CELF4: variants seen among roughly 807,000 people sequenced by gnomAD.
The protein encoded by CELF4 is CUG-BP- and ETR-3-like factor 4.
A neutral mutation model predicts 59.9 loss-of-function variants in CELF4; 18 were observed. The observed-to-expected ratio is 0.30, with a 90% CI of 0.21 to 0.45. CELF4 has a LOEUF of 0.45. Ranked by LOEUF, CELF4 falls within the 20% of genes least tolerant of loss-of-function variation. The pLI is 1.00. For missense variants in CELF4, 456 were observed against 689.0 expected, an observed-to-expected ratio of 0.66 and a Z score of 3.79; for synonymous variants, 261 against 267.1, an observed-to-expected ratio of 0.98 and a Z score of 0.22.
chr18:37,558,373 CT>C (rs1345298469), intron 1 of CELF4, among the ~76,000 whole-genome samples: 11 of 110,760 alleles, frequency 9.9e-5, no homozygotes, highest in Admixed American at 2.5e-4. Flanking sequence ...TTTACTACCC[CT>C]GTAACAGTTT....
At position 37,245,051 on chromosome 18, in the gene CELF4, A is replaced by T. The variant is rs1486315613; in HGVS notation, c.*191T>A. On this transcript the variant is annotated 3_prime_UTR_variant, in exon 13 of 13. Transcript: ENST00000420428. This position sits in a 1 kb window ranked among gnomAD's most constrained non-coding sequence, Gnocchi z 4.1. Reference sequence around the variant, plus strand: ...CATAGACGCTATACTTTCCTTGAAGAAATGTTACAGTCACACAGACAGTGT... The same window carrying T: ...CATAGACGCTATACTTTCCTTGAAGTAATGTTACAGTCACACAGACAGTGT... 6.6e-6 allele frequency: 1 copy of T among 152,508 alleles called. No homozygotes were observed. Among genetic ancestry groups the T allele is most frequent in the Non-Finnish European group, 1.5e-5 (1 of 68,030 alleles). 9.4% of individuals were successfully genotyped at this position (152,508 alleles called of 1,614,324 possible). A position where few individuals can be genotyped will look rare whatever the true frequency, so the allele number is the denominator to read the frequency against.
intron 5 of CELF4, 89 bp from the exon 6 acceptor site, chr18:37,274,543 C>T (rs757604111): frequency 1.3e-6 from 2 of 1,596,862 alleles, no homozygotes; most frequent in South Asian, 1.1e-5. Context: ...ACCCCGCCCG[C>T]TCCTCGGGGC....
At chr18:37,261,683 G>A (rs1006339198) in intron 10 of CELF4, among the ~76,000 whole-genome samples, 3 of 152,248 alleles carry the variant, frequency 2.0e-5, no homozygotes, top group African/African-American at 7.2e-5. Context: ...CGGAGCTGCA[G>A]AGACAGAAAG....
At chr18:37,494,114 A>G (rs576260603) in intron 1 of CELF4, among the ~76,000 whole-genome samples, 1 of 152,304 alleles carries the variant, frequency 6.6e-6, no homozygotes, top group South Asian at 2.1e-4. Flanking sequence ...CTGGACAAGG[A>G]GGTGCAGACC....
chr18:37,512,704 C>T (rs557800122), intron 1 of CELF4, among the ~76,000 whole-genome samples: 3 of 150,750 alleles, frequency 2.0e-5, no homozygotes, highest in Non-Finnish European at 4.4e-5. Context: ...TCTTTGACTC[C>T]TTTCTGTTTT....
intron 2 of CELF4, among the ~76,000 whole-genome samples, chr18:37,346,876 G>A (rs1291464235): frequency 2.6e-5 from 4 of 152,086 alleles, no homozygotes; most frequent in Non-Finnish European, 4.4e-5. Context: ...CCCATCCCAG[G>A]GTGTCTGTCT....
At chr18:37,286,223 T>C (rs1377592958) in intron 3 of CELF4, among the ~76,000 whole-genome samples, 1 of 152,106 alleles carries the variant, frequency 6.6e-6, no homozygotes, top group African/African-American at 2.4e-5. Context: ...CTACTCCAGG[T>C]GGCCACAAAT....
intron 2 of CELF4, among the ~76,000 whole-genome samples, chr18:37,446,972 A>AT: frequency 6.6e-6 from 1 of 152,364 alleles, no homozygotes; most frequent in Middle Eastern, 3.4e-3. Context: ...GATTTCACTC[A>AT]TTCACTCACT....
intron 2 of CELF4, among the ~76,000 whole-genome samples, chr18:37,335,631 C>T (rs987543593): frequency 5.9e-5 from 9 of 151,882 alleles, no homozygotes; most frequent in South Asian, 2.1e-4. Context: ...TAGCTCTCCT[C>T]TGAATTCCCT....
chr18:37,558,763 C>G (rs2099985671), intron 1 of CELF4, among the ~76,000 whole-genome samples: 1 of 151,282 alleles, frequency 6.6e-6, no homozygotes, highest in African/African-American at 2.4e-5. Flanking sequence ...AGGTAAAATG[C>G]AGTATTCTGC....
chr18:37,312,475 A>G (rs1489794711), intron 3 of CELF4, among the ~76,000 whole-genome samples: 6 of 152,206 alleles, frequency 3.9e-5, no homozygotes. Flanking sequence ...CTTAAACATC[A>G]GCCCCCAATA....
chr18:37,277,698 G>C (rs1399848830), intron 3 of CELF4, among the ~76,000 whole-genome samples: 1 of 152,184 alleles, frequency 6.6e-6, no homozygotes, highest in African/African-American at 2.4e-5. Context: ...AGTGAAATGG[G>C]AGCTTTTCCT....
At chr18:37,365,573 C>T (rs1203716718) in intron 2 of CELF4, among the ~76,000 whole-genome samples, 3 of 144,932 alleles carry the variant, frequency 2.1e-5, no homozygotes, top group Non-Finnish European at 4.5e-5. Context: ...GCAACTTCTG[C>T]CTCCTGGGTT....
chr18:37,503,732 G>A (rs1603642855), intron 1 of CELF4, among the ~76,000 whole-genome samples: 1 of 152,228 alleles, frequency 6.6e-6, no homozygotes, highest in African/African-American at 2.4e-5. Context: ...GGCATGCTGA[G>A]TCCTGCCCTA....
At chr18:37,554,866 T>G (rs2099984320) in intron 1 of CELF4, among the ~76,000 whole-genome samples, 1 of 152,182 alleles carries the variant, frequency 6.6e-6, no homozygotes, top group East Asian at 1.9e-4. Flanking sequence ...CCAAGAGAAT[T>G]CCAAGCCTTC....
intron 3 of CELF4, among the ~76,000 whole-genome samples, chr18:37,319,809 C>T (rs2097027231): frequency 6.6e-6 from 1 of 152,230 alleles, no homozygotes; most frequent in African/African-American, 2.4e-5. Context: ...GGGCCTGGGC[C>T]TGGGCCTGGG....
chr18:37,464,381 T>G (rs2154602284), intron 2 of CELF4, among the ~76,000 whole-genome samples: 1 of 152,294 alleles, frequency 6.6e-6, no homozygotes. Flanking sequence ...CTCAGGGCTC[T>G]TAAAGACTCC....
chr18:37,440,899 AT>A (rs1406005974), intron 2 of CELF4, among the ~76,000 whole-genome samples: 1 of 152,190 alleles, frequency 6.6e-6, no homozygotes, highest in Non-Finnish European at 1.5e-5. Flanking sequence ...GGAGATAACA[AT>A]TCTCCCCTGA....
At chr18:37,504,190 G>A (rs2099934913) in intron 1 of CELF4, among the ~76,000 whole-genome samples, 1 of 152,164 alleles carries the variant, frequency 6.6e-6, no homozygotes, top group Non-Finnish European at 1.5e-5. Context: ...CAGATGGTAT[G>A]GTTAAGAATG....
Sources: gnomAD v4.1 joint callset for allele counts (sites outside exome capture counted in the v4.1 genomes callset) on GRCh38, gnomAD v4.1.1 for gene constraint, Gnocchi (gnomAD v3.1) non-coding constraint, MANE v1.5 for transcripts, NCBI Gene and HGNC (gene_info 2026-07-23, HGNC 2026-07-21) for gene names.